STK24: variants seen among roughly 807,000 people sequenced by gnomAD.
The protein encoded by STK24 is serine/threonine kinase 24, also known as serine/threonine-protein kinase 24.
A neutral mutation model predicts 55.6 loss-of-function variants in STK24; 21 were observed. The ratio of observed to expected loss-of-function variants is 0.38; its 90% CI spans 0.27 to 0.54. The LOEUF is 0.54. Among genes scored for constraint, STK24 ranks in the 20% least tolerant of loss-of-function variants. STK24 has a pLI of 0.79. For synonymous variants in STK24, 200 were observed against 215.2 expected (o/e 0.93, Z 0.62); for missense variants, 383 against 538.4 (o/e 0.71, Z 2.86).
chr13:98,533,888 C>T (rs149794764), intron 1 of STK24, among the ~76,000 whole-genome samples: 31 of 152,258 alleles, frequency 2.0e-4, no homozygotes, highest in African/African-American at 6.0e-4. Flanking sequence ...GCTCAGACAC[C>T]ATGGGGTCCA....
chr13:98,486,125 C>G (rs543528573), intron 2 of STK24, among the ~76,000 whole-genome samples: 1 of 151,618 alleles, frequency 6.6e-6, no homozygotes, highest in African/African-American at 2.4e-5. Flanking sequence ...TTGATGGGTG[C>G]GGCAAACCAC....
intron 2 of STK24, among the ~76,000 whole-genome samples, chr13:98,510,157 C>T (rs1895834147): frequency 6.6e-6 from 1 of 152,248 alleles, no homozygotes; most frequent in South Asian, 2.1e-4. Context: ...CAAGGTTGGA[C>T]TCCCAGCACC....
intron 1 of STK24, among the ~76,000 whole-genome samples, chr13:98,557,176 C>T (rs924661772): frequency 8.5e-5 from 13 of 152,158 alleles, no homozygotes; most frequent in African/African-American, 2.7e-4. Context: ...CTTCAATCAC[C>T]CTCTGTATAG....
rs1003348607 is a variant in STK24 at position 98,451,626 on chromosome 13, C to CTACA, written c.*1543_*1546dup. The stretch of plus-strand genomic sequence containing the variant: ...GCCACTAGACCAGCAGATAGCTGAG[C>CTACA]TACATCCCCAAGCTCACCCACTAAC... On this transcript the variant is annotated 3_prime_UTR_variant, in exon 11 of 11. Transcript: ENST00000539966. 4.6e-5 allele frequency: 7 copies of CTACA among 152,228 alleles called. No homozygotes were observed. Among genetic ancestry groups the CTACA allele is most frequent in the Non-Finnish European group, 1.0e-4 (7 of 68,076 alleles). The allele number at this position is 152,228 out of a possible 1,614,324, so 9.4% of individuals were successfully genotyped here. A position where few individuals can be genotyped will look rare whatever the true frequency, so the allele number is the denominator to read the frequency against.
At chr13:98,482,792 C>T (rs1173009252) in intron 2 of STK24, among the ~76,000 whole-genome samples, 1 of 152,200 alleles carries the variant, frequency 6.6e-6, no homozygotes, top group Non-Finnish European at 1.5e-5. Context: ...CCACCCCCTA[C>T]CGTGTGTCTC....
At chr13:98,453,405 A>G in intron 10 of STK24, 196 bp from the exon 11 acceptor site, 1 of 597,072 alleles carries the variant, frequency 1.7e-6, no homozygotes, top group Non-Finnish European at 2.8e-6. Flanking sequence ...TCTTACACAA[A>G]AACTCCAGAG....
Position 98,453,110 on chromosome 13 carries a change from T to TA in STK24, c.*62dup. The TA allele has an allele frequency of 6.3e-7, 1 of 1,596,584 alleles. No individual in the cohort carries two copies. Among genetic ancestry groups the TA allele is most frequent in the Non-Finnish European group, 8.6e-7 (1 of 1,167,246 alleles). On this transcript the variant is annotated 3_prime_UTR_variant, in exon 11 of 11. Transcript: ENST00000539966. ...GTCAGCGAAGGCTCTCGTTGACTTT[T>TA]AAAAAAGGAGGAGGATGAAGAAGGA...
intron 5 of STK24, among the ~76,000 whole-genome samples, chr13:98,469,536 C>CCCA (rs1894060122): frequency 7.6e-6 from 1 of 131,700 alleles, no homozygotes; most frequent in African/African-American, 2.8e-5. Flanking sequence ...ACCCTGCATC[C>CCCA]CCCCCCCCAA....
chr13:98,522,209 T>C (rs1896287714), intron 1 of STK24: 4 of 512,518 alleles, frequency 7.8e-6, no homozygotes, highest in Non-Finnish European at 1.0e-5. Flanking sequence ...GCTGGCTTCT[T>C]CCAGTCCCTC....
At chr13:98,520,753 A>C (rs943234637) in intron 1 of STK24, among the ~76,000 whole-genome samples, 16 of 152,376 alleles carry the variant, frequency 1.1e-4, no homozygotes, top group African/African-American at 3.8e-4. Flanking sequence ...AGAACTGTTG[A>C]AAGCCAGTCA....
chr13:98,551,575 A>C (rs1005810762), intron 1 of STK24, among the ~76,000 whole-genome samples: 1 of 151,954 alleles, frequency 6.6e-6, no homozygotes, highest in African/African-American at 2.4e-5. Context: ...TTGTCAGGCA[A>C]CCCAAACTGC....
chr13:98,544,193 C>T (rs1002431093), intron 1 of STK24, among the ~76,000 whole-genome samples: 5 of 152,244 alleles, frequency 3.3e-5, no homozygotes, highest in African/African-American at 1.2e-4. Context: ...ACCTGCCGGG[C>T]ACAATGACCT....
intron 1 of STK24, among the ~76,000 whole-genome samples, chr13:98,539,269 C>T (rs535947770): frequency 6.6e-6 from 1 of 152,242 alleles, no homozygotes; most frequent in African/African-American, 2.4e-5. Flanking sequence ...TGCTTTTCTC[C>T]ATTTTGCCAT....
At chr13:98,555,888 T>C (rs1319794231) in intron 1 of STK24, among the ~76,000 whole-genome samples, 2 of 151,864 alleles carry the variant, frequency 1.3e-5, no homozygotes, top group Non-Finnish European at 2.9e-5. Flanking sequence ...TTCACCATGT[T>C]AGCCAGGATG....
chr13:98,539,323 T>C (rs1213330504), intron 1 of STK24, among the ~76,000 whole-genome samples: 1 of 152,176 alleles, frequency 6.6e-6, no homozygotes, highest in Non-Finnish European at 1.5e-5. Flanking sequence ...TAGGAGTACA[T>C]CTATTGGCAC....
intron 2 of STK24, among the ~76,000 whole-genome samples, chr13:98,518,536 A>C (rs1594633322): frequency 6.6e-6 from 1 of 152,226 alleles, no homozygotes; most frequent in South Asian, 2.1e-4. Flanking sequence ...AAGTTCAGTG[A>C]AACAGGTATA....
At chr13:98,467,819 C>G (rs1405429149) in intron 5 of STK24, among the ~76,000 whole-genome samples, 1 of 152,168 alleles carries the variant, frequency 6.6e-6, no homozygotes, top group Non-Finnish European at 1.5e-5. Context: ...AACTTGACAG[C>G]TGATGAGACA....
At chr13:98,461,435 C>T (rs1191810562) in intron 8 of STK24, among the ~76,000 whole-genome samples, 2 of 152,092 alleles carry the variant, frequency 1.3e-5, no homozygotes, top group African/African-American at 2.4e-5. Flanking sequence ...TGTAAGTAAC[C>T]GCAACATGCA....
At chr13:98,559,002 T>TAAAAAA (rs60756124) in intron 1 of STK24, among the ~76,000 whole-genome samples, 27 of 43,034 alleles carry the variant, frequency 6.3e-4, no homozygotes, top group African/African-American at 1.6e-3. Context: ...CTGTCTCTAC[T>TAAAAAA]AAAAAAAAAA....
Sources: allele counts gnomAD v4.1 joint callset (sites outside exome capture counted in the v4.1 genomes callset), GRCh38; gene constraint gnomAD v4.1.1; transcripts MANE v1.5; gene names NCBI Gene and HGNC (gene_info 2026-07-23, HGNC 2026-07-21).